Variants in CDC42EP4 observed in about 807,000 individuals in gnomAD.
CDC42EP4 encodes CDC42 effector protein (Rho GTPase binding) 4.
A neutral mutation model predicts 5.6 loss-of-function variants in CDC42EP4; 6 were observed. The observed-to-expected ratio is 1.07, with a 90% CI of 0.59 to 2.12. The LOEUF (loss-of-function observed/expected upper bound fraction) is 2.12, where lower values mean the gene tolerates loss of function less well. Among genes scored for constraint, CDC42EP4 ranks in the 30% most tolerant of loss-of-function variants. CDC42EP4 has a pLI of 0.00. For synonymous variants in CDC42EP4, 230 were observed against 224.2 expected (o/e 1.03, Z -0.23); for missense variants, 490 against 508.6 (o/e 0.96, Z 0.35).
chr17:73,307,505 T>G (rs2062250067), intron 1 of CDC42EP4, among the ~76,000 whole-genome samples: 1 of 149,974 alleles, frequency 6.7e-6, no homozygotes, highest in Non-Finnish European at 1.5e-5. Flanking sequence ...TAGAATGCAG[T>G]GGCGCGATCT....
chr17:73,293,801 C>A (rs1012846369), intron 1 of CDC42EP4, among the ~76,000 whole-genome samples: 2 of 152,220 alleles, frequency 1.3e-5, no homozygotes, highest in African/African-American at 4.8e-5. Context: ...GTGTTTCATT[C>A]AAACTGTGGC....
intron 1 of CDC42EP4, among the ~76,000 whole-genome samples, chr17:73,308,717 G>A (rs2062257163): frequency 6.6e-6 from 1 of 152,020 alleles, no homozygotes; most frequent in South Asian, 2.1e-4. Flanking sequence ...AGGCCCTTCT[G>A]GAAAAGCTCT....
chr17:73,285,614 G>A lies in CDC42EP4; in HGVS notation c.887C>T (p.Ala296Val). 6.2e-7 allele frequency: 1 copy of A among 1,606,886 alleles called. No individual in the cohort carries two copies. ...TGTGGTGTGGCTGCCCATGCTGCGG[G>A]CTGAGCCGGGGCTGGGGGCCGCTGC... Reference protein sequence around the residue: ...WAAAAPSPGSARSMGSHTTRD... With the variant: ...WAAAAPSPGSVRSMGSHTTRD... The change falls in exon 2 of 2, where the codon GCC becomes GTC. Residue 296 changes from alanine to valine, a missense_variant. Coordinates refer to ENST00000335793, the MANE Select transcript of CDC42EP4 (RefSeq NM_012121.5). This position sits in a 1 kb window ranked among gnomAD's most constrained non-coding sequence, Gnocchi z 6.8.
At chr17:73,304,507 A>G (rs977655159) in intron 1 of CDC42EP4, among the ~76,000 whole-genome samples, 2 of 152,008 alleles carry the variant, frequency 1.3e-5, no homozygotes, top group Non-Finnish European at 2.9e-5. Context: ...AGTTATCACT[A>G]TCATCCCCAG....
intron 1 of CDC42EP4, among the ~76,000 whole-genome samples, chr17:73,299,476 C>T (rs2062207495): frequency 7.4e-6 from 1 of 134,970 alleles, no homozygotes. Context: ...CACACACACA[C>T]ACATTTTTAG....
intron 1 of CDC42EP4, among the ~76,000 whole-genome samples, chr17:73,291,131 C>T (rs781456955): frequency 2.0e-5 from 3 of 152,202 alleles, no homozygotes; most frequent in Non-Finnish European, 4.4e-5. Flanking sequence ...CCCCACACCC[C>T]AGAAAGACAG....
At chr17:73,306,837 T>C (rs2062246561) in intron 1 of CDC42EP4, 1 of 152,294 alleles carries the variant, frequency 6.6e-6, no homozygotes, top group Non-Finnish European at 1.5e-5. Flanking sequence ...CCTGGCTTTG[T>C]TGGCACACTT....
rs1177737186 is a variant in CDC42EP4, at chr17:73,285,591, T to G, written c.910A>C (p.Thr304Pro). 6.2e-7 allele frequency: 1 copy of G among 1,610,472 alleles called. No individual in the cohort carries two copies. The highest frequency in any genetic ancestry group is 1.7e-5 in the Admixed American group (1 of 59,952). The change falls in exon 2 of 2, where the codon ACA becomes CCA. Residue 304 changes from threonine (T) to proline (P), a missense_variant. Transcript: ENST00000335793. This position sits in a 1 kb window ranked among gnomAD's most constrained non-coding sequence, Gnocchi z 6.8. ...GSARSMGSHT[T>P]RDSSSLSSCT... is the part of the protein sequence containing the mutation. ...CTGGAGAGGGAGCTGCTGTCCCGTG[T>G]GGTGTGGCTGCCCATGCTGCGGGCT...
intron 1 of CDC42EP4, among the ~76,000 whole-genome samples, chr17:73,310,467 G>T (rs745312088): frequency 3.8e-4 from 58 of 151,766 alleles, no homozygotes; most frequent in Non-Finnish European, 6.5e-4. Context: ...TCGCAGCGAC[G>T]GGGGCTCCCA....
intron 1 of CDC42EP4, among the ~76,000 whole-genome samples, chr17:73,304,301 G>A (rs1488200370): frequency 6.8e-6 from 1 of 146,512 alleles, no homozygotes; most frequent in African/African-American, 2.5e-5. Flanking sequence ...TCCTGAGAGA[G>A]GGTCTTGCTT....
At position 73,286,402 on chromosome 17, in the gene CDC42EP4, G is replaced by A. The variant is rs770530469; in HGVS notation, c.99C>T (p.Asp33=). ...GGCCAACGTGCATGGTGTGGCGGAA[G>A]TCGCCCAGCGGGGCGCTGATCATCT... ...TAEMISAPLG[D]FRHTMHVGRA... Residue 33 remains aspartate, a synonymous_variant, in exon 2 of 2, where the codon GAC becomes GAT. Coordinates refer to ENST00000335793, the MANE Select transcript of CDC42EP4 (RefSeq NM_012121.5). This position sits in a 1 kb window ranked among gnomAD's most constrained non-coding sequence, Gnocchi z 7.7. 35 of 1,613,796 alleles carry A rather than the reference G, an allele frequency of 2.2e-5. No individual in the cohort carries two copies. The African/African-American group carries it at 4.4e-4, about 20-fold the overall frequency.
chr17:73,300,007 A>C (rs2062210166), intron 1 of CDC42EP4, among the ~76,000 whole-genome samples: 2 of 152,134 alleles, frequency 1.3e-5, no homozygotes, highest in South Asian at 4.2e-4. Context: ...AGATCAGCAC[A>C]AGGCCTCACT....
At chr17:73,310,870 G>A (rs1249029879) in intron 1 of CDC42EP4, 1 of 152,154 alleles carries the variant, frequency 6.6e-6, no homozygotes, top group Non-Finnish European at 1.5e-5. Context: ...CCTCCCGGCC[G>A]GGGCACTCAC....
chr17:73,305,103 A>C (rs574983926), intron 1 of CDC42EP4, among the ~76,000 whole-genome samples: 1 of 152,330 alleles, frequency 6.6e-6, no homozygotes, highest in African/African-American at 2.4e-5. Context: ...AAAGGAGCCA[A>C]GACTAGGGAG....
intron 1 of CDC42EP4, among the ~76,000 whole-genome samples, chr17:73,305,118 C>T (rs116737344): frequency 3.5e-4 from 53 of 152,268 alleles, no homozygotes; most frequent in African/African-American, 1.2e-3. Context: ...AGGGAGTGAC[C>T]GGAAGCAACA....
At chr17:73,291,942 C>T (rs1427992096) in intron 1 of CDC42EP4, among the ~76,000 whole-genome samples, 1 of 152,184 alleles carries the variant, frequency 6.6e-6, no homozygotes, top group Non-Finnish European at 1.5e-5. Flanking sequence ...GGAAGACCAC[C>T]CTTGCCTGGA....
At position 73,285,668 on chromosome 17, in the gene CDC42EP4, G is replaced by T; in HGVS notation, c.833C>A (p.Ser278Tyr). The T allele has an allele frequency of 6.3e-7, 1 of 1,579,824 alleles. No homozygotes were observed. The change falls in exon 2 of 2, where the codon TCC becomes TAC. Residue 278 changes from serine (S) to tyrosine (Y), a missense_variant. By Grantham distance (144) the Ser-to-Tyr change is moderately radical (BLOSUM62 -2). Coordinates refer to ENST00000335793, the MANE Select transcript of CDC42EP4 (RefSeq NM_012121.5). The surrounding 1 kb of genome is among the most constrained non-coding windows in gnomAD (Gnocchi z 6.8). ...CCACCCCTCATCCTCCAGAGCATGG[G>T]AGGGGAGGGAGGGCAAGTCTGGGCC... ...KAGPDLPSLP[S>Y]HALEDEGWAA...
At chr17:73,300,133 C>A (rs1178825733) in intron 1 of CDC42EP4, among the ~76,000 whole-genome samples, 1 of 152,202 alleles carries the variant, frequency 6.6e-6, no homozygotes, top group East Asian at 1.9e-4. Flanking sequence ...ACCCTCACTG[C>A]CCGCGTGCCA....
intron 1 of CDC42EP4, among the ~76,000 whole-genome samples, chr17:73,294,267 G>A (rs1599433396): frequency 6.6e-6 from 1 of 152,234 alleles, no homozygotes; most frequent in South Asian, 2.1e-4. Context: ...AGGGAGAATC[G>A]CTTGAACCCA....
Sources: allele counts gnomAD v4.1 joint callset (sites outside exome capture counted in the v4.1 genomes callset), GRCh38; gene constraint gnomAD v4.1.1; non-coding constraint Gnocchi (gnomAD v3.1); transcripts MANE v1.5; gene names NCBI Gene and HGNC (gene_info 2026-07-23, HGNC 2026-07-21).